FBXL5: variants seen among roughly 807,000 people sequenced by gnomAD.
FBXL5 encodes the protein F-box/LRR-repeat protein 5.
In FBXL5, 26 loss-of-function variants were observed where a neutral mutation model predicts 78.3. That is an observed-to-expected ratio of 0.33 (90% CI 0.24 to 0.46). The LOEUF (loss-of-function observed/expected upper bound fraction) is 0.46. Among genes scored for constraint, FBXL5 ranks in the 20% least tolerant of loss-of-function variants. The probability of loss-of-function intolerance (pLI) is 1.00; values close to 1 mark genes in which losing one functional copy is unlikely to be tolerated. For missense variants in FBXL5, 710 were observed against 829.2 expected (o/e 0.86, Z 1.77); for synonymous variants, 295 against 282.5 (o/e 1.04, Z -0.45).
chr4:15,614,749 C>T (rs1711599103), intron 9 of FBXL5, among the ~76,000 whole-genome samples: 1 of 152,164 alleles, frequency 6.6e-6, no homozygotes, highest in African/African-American at 2.4e-5. Flanking sequence ...TGACAGCACG[C>T]TGGCAGTCCT....
upstream of FBXL5, chr4:15,655,369 G>A: frequency 1.8e-6 from 2 of 1,117,358 alleles, no homozygotes; most frequent in Non-Finnish European, 2.2e-6. Flanking sequence ...GAGGCGGCGC[G>A]CCCCCTTGCG....
intron 10 of FBXL5, among the ~76,000 whole-genome samples, chr4:15,607,786 G>C (rs1256031288): frequency 6.6e-6 from 1 of 152,116 alleles, no homozygotes; most frequent in Non-Finnish European, 1.5e-5. Context: ...TGAAATGCCA[G>C]ATTCACTGGG....
At chr4:15,636,386 C>T in intron 5 of FBXL5, 108 bp downstream of exon 5, 1 of 903,924 alleles carries the variant, frequency 1.1e-6, no homozygotes, top group Non-Finnish European at 1.5e-6. Context: ...ATAAAATCTA[C>T]TTTTTGATTG....
intron 1 of FBXL5, among the ~76,000 whole-genome samples, chr4:15,654,409 T>C (rs1716558939): frequency 6.6e-6 from 1 of 152,200 alleles, no homozygotes; most frequent in South Asian, 2.1e-4. Flanking sequence ...CCTCTTCAGC[T>C]TATGCTGCAC....
Position 15,605,784 on chromosome 4 carries a change from G to T in FBXL5, c.2015C>A (p.Thr672Asn). 6.2e-7 allele frequency: 1 copy of T among 1,613,466 alleles called. No homozygotes were observed. Among genetic ancestry groups the T allele is most frequent in the Non-Finnish European group, 8.5e-7 (1 of 1,179,596 alleles). The change falls in exon 11 of 11, where the codon ACC (threonine) becomes AAC (asparagine). Residue 672 changes from threonine to asparagine, a missense_variant. Physicochemically the swap from Thr to Asn is moderately conservative, Grantham distance 65. Transcript: ENST00000341285. ...CTGCAAATTCTGGCATCCACTGGCG[G>T]TATCAGCATGAGGACCTGTATGAAA... is the stretch of plus-strand genomic sequence containing the variant. Reference protein sequence around the residue: ...CDNINGPHADTASGCQNLQCG... With the variant: ...CDNINGPHADNASGCQNLQCG...
chr4:15,628,474 G>A (rs1350995963), intron 6 of FBXL5, among the ~76,000 whole-genome samples: 1 of 151,972 alleles, frequency 6.6e-6, no homozygotes, highest in Non-Finnish European at 1.5e-5. Flanking sequence ...ATGTACTACT[G>A]TAACATCCAC....
At chr4:15,641,830 C>G (rs1714913271) in intron 2 of FBXL5, among the ~76,000 whole-genome samples, 1 of 152,028 alleles carries the variant, frequency 6.6e-6, no homozygotes, top group African/African-American at 2.4e-5. Context: ...AGTTCAAGAC[C>G]AGCCAGCCCA....
intron 1 of FBXL5, among the ~76,000 whole-genome samples, chr4:15,665,846 G>A (rs531603863): frequency 2.0e-5 from 3 of 152,174 alleles, no homozygotes; most frequent in African/African-American, 2.4e-5. Flanking sequence ...GTAGGAATCC[G>A]ATGATTAGTG....
chr4:15,625,434 A>G lies in FBXL5; in HGVS notation c.1668T>C (p.Ala556=). ...CGHSFCCTGT[A]LRTMSSLPES... ...CTGGGAGTGATGACATAGTTCTTAA[A>G]GCTGTTCCTGTACAACAAAATGAGT... The change falls in exon 9 of 11, where the codon GCT becomes GCC. Residue 556 remains alanine (A), a synonymous_variant. Transcript: ENST00000341285. 6.2e-7 allele frequency: 1 copy of G among 1,614,146 alleles called. No individual in the cohort carries two copies. Among genetic ancestry groups the G allele is most frequent in the Non-Finnish European group, 8.5e-7 (1 of 1,180,026 alleles).
At chr4:15,646,702 C>T (rs965109129) in intron 1 of FBXL5, among the ~76,000 whole-genome samples, 3 of 133,896 alleles carry the variant, frequency 2.2e-5, no homozygotes, top group East Asian at 2.7e-4. Flanking sequence ...CCCCTCCCCC[C>T]ACCCCACAAC....
intron 5 of FBXL5, 107 bp downstream of exon 5, chr4:15,636,386 CT>C (rs1714267596): frequency 1.1e-6 from 1 of 903,924 alleles, no homozygotes; most frequent in Middle Eastern, 3.2e-4. Context: ...ATAAAATCTA[CT>C]TTTTGATTGA....
At chr4:15,626,824 C>A in intron 8 of FBXL5, 49 bp downstream of exon 8, 1 of 1,289,678 alleles carries the variant, frequency 7.8e-7, no homozygotes, top group Non-Finnish European at 1.1e-6. Context: ...ATAAATGAAA[C>A]CTTATAAAAT....
At chr4:15,615,027 G>A (rs113501002) in intron 9 of FBXL5, among the ~76,000 whole-genome samples, 177 of 152,290 alleles carry the variant, frequency 1.2e-3, no homozygotes, top group African/African-American at 2.8e-3. Flanking sequence ...CAGCCCTGCC[G>A]GCCCTGGGCA....
intron 10 of FBXL5, among the ~76,000 whole-genome samples, chr4:15,611,196 T>C (rs1722236744): frequency 6.6e-6 from 1 of 152,114 alleles, no homozygotes; most frequent in Non-Finnish European, 1.5e-5. Context: ...GGTCATCTCC[T>C]GCATAACAAT....
At chr4:15,653,080 G>A (rs1005697472) in intron 1 of FBXL5, among the ~76,000 whole-genome samples, 1 of 152,044 alleles carries the variant, frequency 6.6e-6, no homozygotes, top group Non-Finnish European at 1.5e-5. Context: ...GTATCAAGAA[G>A]AAATCCAGAT....
intron 10 of FBXL5, among the ~76,000 whole-genome samples, chr4:15,611,443 G>C (rs2148521411): frequency 6.6e-6 from 1 of 152,124 alleles, no homozygotes; most frequent in South Asian, 2.1e-4. Flanking sequence ...CAGGTACATA[G>C]TAGTCTGAGC....
intron 1 of FBXL5, among the ~76,000 whole-genome samples, chr4:15,666,503 G>T (rs1206384361): frequency 6.6e-6 from 1 of 152,196 alleles, no homozygotes; most frequent in Non-Finnish European, 1.5e-5. Context: ...ACCAGAGGCT[G>T]TGGGGGTGGG....
chr4:15,669,302 G>A (rs1243083940), intron 1 of FBXL5, among the ~76,000 whole-genome samples: 1 of 152,110 alleles, frequency 6.6e-6, no homozygotes, highest in Non-Finnish European at 1.5e-5. Flanking sequence ...GTAACACAAA[G>A]GTTAAGTATT....
At chr4:15,681,117 G>A (rs969276629) in intron 1 of FBXL5, among the ~76,000 whole-genome samples, 1 of 151,968 alleles carries the variant, frequency 6.6e-6, no homozygotes, top group Non-Finnish European at 1.5e-5. Context: ...TCTATTTAAT[G>A]AAATGCAGTT....
Sources: allele counts gnomAD v4.1 joint callset (sites outside exome capture counted in the v4.1 genomes callset), GRCh38; gene constraint gnomAD v4.1.1; transcripts MANE v1.5; gene names NCBI Gene and HGNC (gene_info 2026-07-23, HGNC 2026-07-21).